Variants in GRK1 observed in about 807,000 individuals in gnomAD.
The protein encoded by GRK1 is G protein-coupled receptor kinase 1.
A neutral mutation model predicts 41.7 loss-of-function variants in GRK1; 28 were observed. The observed-to-expected ratio is 0.67, with a 90% CI of 0.50 to 0.92. GRK1 has a LOEUF of 0.92. Ranked by LOEUF, GRK1 falls within the 40% of genes least tolerant of loss-of-function variation. The probability of loss-of-function intolerance (pLI) is 0.00; values close to 1 mark genes in which losing one functional copy is unlikely to be tolerated. For missense variants in GRK1, 703 were observed against 671.2 expected (o/e 1.05, Z -0.52); for synonymous variants, 327 against 286.7 (o/e 1.14, Z -1.42).
chr13:113,726,749 C>A (rs2049891323), intron 4 of GRK1, among the ~76,000 whole-genome samples: 1 of 152,308 alleles, frequency 6.6e-6, no homozygotes, highest in African/African-American at 2.4e-5. Context: ...GCTGAGAAGG[C>A]TCTGGGTGGG....
chr13:113,665,060 C>A (rs1299259715), upstream of GRK1, among the ~76,000 whole-genome samples: 5 of 152,234 alleles, frequency 3.3e-5, no homozygotes, highest in Non-Finnish European at 7.3e-5. Flanking sequence ...CCTCTGTAGA[C>A]CCTGCCAGGT....
intron 2 of GRK1, 116 bp downstream of exon 2, chr13:113,669,930 G>A: frequency 7.9e-7 from 1 of 1,272,862 alleles, no homozygotes; most frequent in East Asian, 2.4e-5. Flanking sequence ...CTGCCCTCGA[G>A]GGAAGCCTTG....
chr13:113,651,573 C>T, the GRK1 span: 2 of 1,338,806 alleles, frequency 1.5e-6, no homozygotes, highest in Non-Finnish European at 2.0e-6. Context: ...GCTGACATTC[C>T]TGGAGAGAAC....
chr13:113,658,366 A>G, the GRK1 span, among the ~76,000 whole-genome samples: 2 of 152,226 alleles, frequency 1.3e-5, no homozygotes, highest in Admixed American at 1.3e-4. Context: ...GGGGCGGGCC[A>G]GGCCCGCTTT....
At chr13:113,727,332 G>T (rs1382618946) in intron 4 of GRK1, among the ~76,000 whole-genome samples, 2 of 152,362 alleles carry the variant, frequency 1.3e-5, no homozygotes, top group East Asian at 3.9e-4. Context: ...CACGGTCTAT[G>T]GACTGGGTTG....
At chr13:113,734,050 ACGTGTGTGTG>A (rs2049983295) in intron 6 of GRK1, among the ~76,000 whole-genome samples, 1 of 141,288 alleles carries the variant, frequency 7.1e-6, no homozygotes, top group African/African-American at 2.7e-5. Context: ...GTGTGTGCAT[ACGTGTGTGTG>A]CATGTGTGTG....
the GRK1 span, chr13:113,653,433 C>G: frequency 1.9e-6 from 3 of 1,613,144 alleles, no homozygotes; most frequent in African/African-American, 4.0e-5. Flanking sequence ...TTAAGGTTAC[C>G]CCTGGAGAGA....
At chr13:113,659,752 A>G in the GRK1 span, among the ~76,000 whole-genome samples, 38 of 152,116 alleles carry the variant, frequency 2.5e-4, no homozygotes, top group Non-Finnish European at 4.9e-4. Flanking sequence ...TAATGGACCT[A>G]TCCTTCCTTT....
chr13:113,731,303 T>C lies in GRK1; in HGVS notation c.1154T>C (p.Met385Thr), dbSNP rs762651951. The C allele has an allele frequency of 3.9e-6, 6 of 1,537,016 alleles. No homozygotes were observed. Among genetic ancestry groups the C allele is most frequent in the Non-Finnish European group, 4.4e-6 (5 of 1,146,848 alleles). ...YFALGVTLYE[M>T]IAARGPFRAR... ...GCCCTGGGGGTCACCCTGTATGAGA[T>C]GATTGCGGCCAGAGGACCCTTCCGA... The change falls in exon 5 of 7, where the codon ATG (methionine) becomes ACG (threonine). Residue 385 changes from methionine (M) to threonine (T), a missense_variant. Transcript: ENST00000335678. This position sits in a 1 kb window ranked among gnomAD's most constrained non-coding sequence, Gnocchi z 5.6.
chr13:113,653,149 G>C, the GRK1 span: 3 of 1,515,544 alleles, frequency 2.0e-6, no homozygotes, highest in South Asian at 3.7e-5. Flanking sequence ...GGCCTTGCAA[G>C]CCCTGAGTGC....
chr13:113,653,088 C>T, the GRK1 span: 14 of 1,599,908 alleles, frequency 8.8e-6, no homozygotes, highest in Non-Finnish European at 8.5e-6. Flanking sequence ...GACGGACGCA[C>T]CTGCCAGCCC....
the GRK1 span, among the ~76,000 whole-genome samples, chr13:113,660,847 A>C: frequency 6.6e-6 from 1 of 152,258 alleles, no homozygotes; most frequent in African/African-American, 2.4e-5. Flanking sequence ...AAAAACTAGA[A>C]AGCTGCAAAA....
At chr13:113,725,284 C>T (rs1254959121) in intron 4 of GRK1, among the ~76,000 whole-genome samples, 3 of 151,002 alleles carry the variant, frequency 2.0e-5, no homozygotes, top group Admixed American at 1.3e-4. Flanking sequence ...AGGGCGGGGC[C>T]GGTCATGCGC....
rs1475880380 is a variant in GRK1 at position 113,667,822 on chromosome 13, T to C, written c.436T>C (p.Phe146Leu). The stretch of plus-strand genomic sequence containing the variant: ...GCCTGTGGAGATCCAGGACGGGCTC[T>C]TCCAGCCCCTGCTGCAGGCCACCCT... Reference protein sequence around the residue: ...EGPVEIQDGLFQPLLQATLAH... With the variant: ...EGPVEIQDGLLQPLLQATLAH... Residue 146 changes from phenylalanine (F) to leucine (L), a missense_variant, in exon 1 of 7, where the codon TTC (phenylalanine) becomes CTC (leucine). Phe to Leu is a conservative substitution (Grantham distance 22). Coordinates refer to ENST00000335678, the MANE Select transcript of GRK1 (RefSeq NM_002929.3). This position sits in a 1 kb window ranked among gnomAD's most constrained non-coding sequence, Gnocchi z 7.5. 1 of 1,597,234 alleles carries C rather than the reference T, an allele frequency of 6.3e-7. No individual in the cohort carries two copies. Among genetic ancestry groups the C allele is most frequent in the Middle Eastern group, 1.7e-4 (1 of 6,012 alleles).
chr13:113,658,735 C>T, the GRK1 span, among the ~76,000 whole-genome samples: 5 of 152,166 alleles, frequency 3.3e-5, no homozygotes, highest in Admixed American at 2.6e-4. Flanking sequence ...GACTCCTCTG[C>T]CTCCCAGATT....
chr13:113,658,076 G>A, the GRK1 span: 2 of 1,611,408 alleles, frequency 1.2e-6, no homozygotes, highest in Non-Finnish European at 1.7e-6. Flanking sequence ...CCGTGTCCGG[G>A]TTCCAGCAGT....
At chr13:113,657,413 G>T in the GRK1 span, among the ~76,000 whole-genome samples, 1 of 152,248 alleles carries the variant, frequency 6.6e-6, no homozygotes. Flanking sequence ...TGTAGACGCA[G>T]ACGCTTCCAC....
rs1298255993 is a variant in GRK1, at chr13:113,672,212, G to GGT, written c.985+566_985+567dup. Among the ~76,000 whole-genome samples, 58 of 151,614 alleles carry GGT rather than the reference G, an allele frequency of 3.8e-4. 1 individual carries two copies. In the East Asian group the frequency reaches 5.2e-3, roughly 14 times the overall value. ...TGGGGTGTGTGTGTGTGTTGTGTGT[G>GGT]GTGTGTGTGTGGCATATGGTGTGTA... On this transcript the variant is annotated intron_variant, in intron 3 of 6. Coordinates refer to ENST00000335678, the MANE Select transcript of GRK1 (RefSeq NM_002929.3).
chr13:113,666,250 C>T (rs1422986828), upstream of GRK1, among the ~76,000 whole-genome samples: 1 of 148,504 alleles, frequency 6.7e-6, no homozygotes, highest in African/African-American at 2.5e-5. Context: ...CAGGTGTGTC[C>T]CAGCTGTCCC....
Sources: gnomAD v4.1 joint callset for allele counts (sites outside exome capture counted in the v4.1 genomes callset) on GRCh38, gnomAD v4.1.1 for gene constraint, Gnocchi (gnomAD v3.1) non-coding constraint, MANE v1.5 for transcripts, NCBI Gene and HGNC (gene_info 2026-07-23, HGNC 2026-07-21) for gene names.